IST1: variants seen among roughly 807,000 people sequenced by gnomAD.
The protein encoded by IST1 is IST1 factor associated with ESCRT-III.
Under a neutral mutation model 37.0 loss-of-function variants are expected in IST1, and 23 were observed. The observed-to-expected ratio is 0.62, with a 90% CI of 0.45 to 0.88. The LOEUF (loss-of-function observed/expected upper bound fraction) is 0.88, where lower values mean the gene tolerates loss of function less well. Among genes scored for constraint, IST1 ranks in the 40% least tolerant of loss-of-function variants. The pLI, the probability that IST1 is intolerant of heterozygous loss-of-function variation, is 0.00. For missense variants in IST1, 488 were observed against 445.4 expected (o/e 1.10, Z -0.86); for synonymous variants, 180 against 161.7 (o/e 1.11, Z -0.86).
intron 1 of IST1, among the ~76,000 whole-genome samples, chr16:71,914,511 A>G (rs2037428515): frequency 2.0e-5 from 3 of 151,942 alleles, no homozygotes; most frequent in Admixed American, 6.6e-5. Flanking sequence ...AATGTCTCAC[A>G]TACAGGTAAT....
chr16:71,917,028 A>T lies in IST1; in HGVS notation c.270-19A>T. The T allele has an allele frequency of 6.5e-7, 1 of 1,528,576 alleles. No homozygotes were observed. The highest frequency in any genetic ancestry group is 9.0e-7 in the Non-Finnish European group (1 of 1,113,126). 94.7% of individuals were successfully genotyped at this position (1,528,576 alleles called of 1,614,324 possible). A position where few individuals can be genotyped will look rare whatever the true frequency, so the allele number is the denominator to read the frequency against. ...GGTTTGTTTTAAAGAATGTTATATTAATTTTTTTCCTTGATTAGGGAACTA... is the reference window on the plus strand; with the variant it reads ...GGTTTGTTTTAAAGAATGTTATATTTATTTTTTTCCTTGATTAGGGAACTA... On this transcript the variant is annotated intron_variant, in intron 3 of 9. Coordinates refer to ENST00000378799, the MANE Select transcript of IST1 (RefSeq NM_001270975.2).
chr16:71,924,197 T>C (rs770558131), intron 8 of IST1: 25 of 455,770 alleles, frequency 5.5e-5, no homozygotes, highest in South Asian at 3.9e-4. Flanking sequence ...TTCATCAGTA[T>C]TTGAGGACTT....
intron 4 of IST1, among the ~76,000 whole-genome samples, chr16:71,920,035 T>G (rs1328080261): frequency 2.0e-5 from 3 of 152,244 alleles, no homozygotes; most frequent in African/African-American, 7.2e-5. Flanking sequence ...TGGACCCTAC[T>G]GCTGTGTCCT....
At chr16:71,902,960 C>G (rs568175080) in intron 1 of IST1, among the ~76,000 whole-genome samples, 76 of 151,784 alleles carry the variant, frequency 5.0e-4, no homozygotes, top group African/African-American at 1.7e-3. Context: ...TTTCTGGTTC[C>G]TTAATGTGGA....
chr16:71,898,551 G>A (rs1333581826), intron 1 of IST1, among the ~76,000 whole-genome samples: 2 of 151,342 alleles, frequency 1.3e-5, no homozygotes, highest in Admixed American at 1.3e-4. Flanking sequence ...GGGCATGGTG[G>A]CGGGCGCCTG....
rs552575696 is a variant in IST1, at chr16:71,925,568, C to T, written c.901+751C>T. The stretch of plus-strand genomic sequence containing the variant: ...TGACCTTGTGATCCGCCTGCCTCAG[C>T]CTCCCAAAGTGCTGAGATTACAGGC... On this transcript the variant is annotated intron_variant, in intron 9 of 9. Transcript: ENST00000378799. Among the ~76,000 whole-genome samples, 4 of 152,238 alleles carry T rather than the reference C, an allele frequency of 2.6e-5. No individual in the cohort carries two copies. In the East Asian group the frequency reaches 7.8e-4, roughly 30 times the overall value.
upstream of IST1, chr16:71,894,732 C>G (rs1373809124): frequency 3.9e-6 from 2 of 509,550 alleles, no homozygotes; most frequent in African/African-American, 2.3e-5. Flanking sequence ...GATGCGGTTT[C>G]ACTATGGTGT....
At chr16:71,911,181 C>A (rs577098009) in intron 1 of IST1, among the ~76,000 whole-genome samples, 2 of 152,252 alleles carry the variant, frequency 1.3e-5, no homozygotes, top group East Asian at 3.9e-4. Flanking sequence ...GCAGAGGTTG[C>A]AGTGAGCGGT....
At chr16:71,913,955 T>C (rs1202105553) in intron 1 of IST1, among the ~76,000 whole-genome samples, 1 of 151,692 alleles carries the variant, frequency 6.6e-6, no homozygotes, top group Non-Finnish European at 1.5e-5. Flanking sequence ...ATTACAGGCA[T>C]GCGCCACCAC....
At chr16:71,895,075 C>G, upstream of IST1, 1 of 428,016 alleles carries the variant, frequency 2.3e-6, no homozygotes, top group Non-Finnish European at 4.2e-6. Flanking sequence ...ACGCAGGCTT[C>G]GAAACCCCCT....
chr16:71,921,185 A>T (rs1344535994), intron 5 of IST1, 158 bp from the exon 6 acceptor site: 1 of 614,604 alleles, frequency 1.6e-6, no homozygotes, highest in Non-Finnish European at 2.9e-6. Context: ...GGGTCCTCTG[A>T]TGTGTCTTGT....
chr16:71,921,613 G>A (rs1000756549), intron 6 of IST1, 160 bp downstream of exon 6: 4 of 564,606 alleles, frequency 7.1e-6, no homozygotes, highest in Admixed American at 6.0e-5. Flanking sequence ...TATCTCACAG[G>A]GTACTTAAGG....
At chr16:71,898,355 ACACT>A (rs1410773938) in intron 1 of IST1, among the ~76,000 whole-genome samples, 1 of 134,378 alleles carries the variant, frequency 7.4e-6, no homozygotes, top group Non-Finnish European at 1.5e-5. Flanking sequence ...GGTGACAGAG[ACACT>A]CTCTCTCTCA....
At chr16:71,924,658 C>A in intron 8 of IST1, 111 bp from the exon 9 acceptor site, 1 of 802,720 alleles carries the variant, frequency 1.2e-6, no homozygotes. Context: ...TTGGAACAGG[C>A]TCTGTTGCAT....
chr16:71,909,575 T>C (rs955694748), intron 1 of IST1, among the ~76,000 whole-genome samples: 1 of 152,230 alleles, frequency 6.6e-6, no homozygotes, highest in African/African-American at 2.4e-5. Flanking sequence ...AGCATACTTT[T>C]CATTAAATAC....
chr16:71,927,711 C>A lies in IST1; in HGVS notation c.999C>A (p.Asp333Glu), dbSNP rs2037782536. 6.2e-7 allele frequency: 1 copy of A among 1,613,300 alleles called. No homozygotes were observed. The highest frequency in any genetic ancestry group is 1.7e-5 in the Admixed American group (1 of 60,002). Residue 333 changes from aspartate to glutamate, a missense_variant, in exon 10 of 10, where the codon GAC becomes GAA. Asp to Glu is a conservative substitution (Grantham distance 45). Coordinates refer to ENST00000378799, the MANE Select transcript of IST1 (RefSeq NM_001270975.2). ...FVLPELPSVP[D>E]TLPTASAGAS... ...TACCAGAGTTGCCATCTGTGCCAGACACACTACCAACTGCATCTGCTGGTG... is the reference window on the plus strand; with the variant it reads ...TACCAGAGTTGCCATCTGTGCCAGAAACACTACCAACTGCATCTGCTGGTG...
intron 1 of IST1, among the ~76,000 whole-genome samples, chr16:71,912,401 C>G (rs1485828700): frequency 6.6e-6 from 1 of 152,108 alleles, no homozygotes; most frequent in Non-Finnish European, 1.5e-5. Context: ...CCATGCCTGG[C>G]TAATTTTTTG....
chr16:71,895,957 C>A (rs553846516), intron 1 of IST1, among the ~76,000 whole-genome samples: 1 of 152,348 alleles, frequency 6.6e-6, no homozygotes, highest in African/African-American at 2.4e-5. Flanking sequence ...ACCCCTACCC[C>A]GTCTTTTCTG....
rs1300365623 is a variant in IST1, at chr16:71,928,590, A to C, written c.*777A>C. 2 of 152,688 alleles carry C rather than the reference A, an allele frequency of 1.3e-5. No individual in the cohort carries two copies. Among genetic ancestry groups the C allele is most frequent in the Admixed American group, 1.3e-4 (2 of 15,286 alleles). 9.5% of individuals were successfully genotyped at this position (152,688 alleles called of 1,614,324 possible). A position where few individuals can be genotyped will look rare whatever the true frequency, so the allele number is the denominator to read the frequency against. On this transcript the variant is annotated 3_prime_UTR_variant, in exon 10 of 10. Coordinates refer to ENST00000378799, the MANE Select transcript of IST1 (RefSeq NM_001270975.2). ...ATTGCATTACTGGCAGAGAAAGGAC[A>C]AGGTGCCATTCAAGTCCTAGGGTGG...
Sources: gnomAD v4.1 joint callset for allele counts (sites outside exome capture counted in the v4.1 genomes callset) on GRCh38, gnomAD v4.1.1 for gene constraint, MANE v1.5 for transcripts, NCBI Gene and HGNC (gene_info 2026-07-23, HGNC 2026-07-21) for gene names.